PNKD: variants seen among roughly 807,000 people sequenced by gnomAD.
PNKD encodes probable thioesterase PNKD.
PNKD carries 36 observed loss-of-function variants against 45.3 expected under a neutral mutation model. That is an observed-to-expected ratio of 0.80 (90% CI 0.61 to 1.05). The LOEUF is 1.05. Among genes scored for constraint, PNKD ranks in the 50% least tolerant of loss-of-function variants. The pLI is 0.00. For missense variants in PNKD, 511 were observed against 506.6 expected, an observed-to-expected ratio of 1.01 and a Z score of -0.08; for synonymous variants, 197 against 210.1, an observed-to-expected ratio of 0.94 and a Z score of 0.54.
chr2:218,276,919 C>T lies in PNKD; in HGVS notation c.236+5370C>T, dbSNP rs1238839282. 4 of 1,150,774 alleles carry T rather than the reference C, an allele frequency of 3.5e-6. No individual in the cohort carries two copies. In the African/African-American group the frequency reaches 4.6e-5, roughly 13 times the overall value. The allele number at this position is 1,150,774 out of a possible 1,614,324, so 71.3% of individuals were successfully genotyped here. A position where few individuals can be genotyped will look rare whatever the true frequency, so the allele number is the denominator to read the frequency against. On this transcript the variant is annotated intron_variant, in intron 2 of 9. Transcript: ENST00000273077. ...TGGAGGTCAGAGCCTGCCCCGGGGA[C>T]CTTTGGGGCCTGCGAGACCATGCTA...
Position 218,279,497 on chromosome 2 carries a change from G to A in PNKD, c.236+7948G>A. 4.7e-6 allele frequency: 3 copies of A among 633,284 alleles called. No homozygotes were observed. In the East Asian group the frequency reaches 8.9e-5, roughly 19 times the overall value. 39.2% of individuals were successfully genotyped at this position (633,284 alleles called of 1,614,324 possible). ...AGAGGCGACCCCAGTGAGATGCCTG[G>A]CTCAGAGGCAATGTGCACTTCTTCC... is the stretch of plus-strand genomic sequence containing the variant. On this transcript the variant is annotated intron_variant, in intron 2 of 9. Transcript: ENST00000273077.
At chr2:218,311,302 A>C (rs551523319) in intron 2 of PNKD, among the ~76,000 whole-genome samples, 1 of 152,344 alleles carries the variant, frequency 6.6e-6, no homozygotes, top group South Asian at 2.1e-4. Context: ...AGGTGGGACG[A>C]GAGACTGAGA....
intron 2 of PNKD, among the ~76,000 whole-genome samples, chr2:218,297,997 CAAAA>C (rs60172979): frequency 7.7e-6 from 1 of 130,222 alleles, no homozygotes; most frequent in African/African-American, 2.9e-5. Flanking sequence ...GACTCCATCT[CAAAA>C]AAAAAAAAAA....
At chr2:218,328,833 C>G (rs1406419329) in intron 2 of PNKD, among the ~76,000 whole-genome samples, 1 of 152,236 alleles carries the variant, frequency 6.6e-6, no homozygotes, top group Non-Finnish European at 1.5e-5. Context: ...TGTCTTCCCT[C>G]TTCGAGCTTC....
rs78652271 is a variant in PNKD at position 218,305,353 on chromosome 2, T to A, written c.236+33804T>A. Among the ~76,000 whole-genome samples, 595 of 150,838 alleles carry A rather than the reference T, an allele frequency of 3.9e-3. 5 individuals are homozygous for A. Among genetic ancestry groups the A allele is most frequent in the African/African-American group, 0.012 (472 of 40,288 alleles). Reference sequence around the variant, plus strand: ...AGTCTTGTTTTTGCCTGTTAGTTTGTATGTTTGTTTGTTTCTGAGACAGGG... The same window carrying A: ...AGTCTTGTTTTTGCCTGTTAGTTTGAATGTTTGTTTGTTTCTGAGACAGGG... On this transcript the variant is annotated intron_variant, in intron 2 of 9. Transcript: ENST00000273077.
chr2:218,321,848 G>A (rs957869211), intron 2 of PNKD, among the ~76,000 whole-genome samples: 4 of 150,444 alleles, frequency 2.7e-5, no homozygotes, highest in African/African-American at 9.8e-5. Context: ...GGATGGTCTC[G>A]ATCTCTTGAC....
intron 2 of PNKD, among the ~76,000 whole-genome samples, chr2:218,337,305 C>T (rs748558767): frequency 6.6e-6 from 1 of 152,028 alleles, no homozygotes; most frequent in Non-Finnish European, 1.5e-5. Flanking sequence ...GAACTCCTGA[C>T]CATGTGATCC....
chr2:218,339,177 C>T (rs908233403), intron 2 of PNKD, among the ~76,000 whole-genome samples: 1 of 152,152 alleles, frequency 6.6e-6, no homozygotes, highest in Non-Finnish European at 1.5e-5. Context: ...ATTTCAGCCT[C>T]CTAATTCCTA....
chr2:218,296,135 G>T (rs913880751), intron 2 of PNKD, among the ~76,000 whole-genome samples: 5 of 152,092 alleles, frequency 3.3e-5, no homozygotes, highest in African/African-American at 1.2e-4. Flanking sequence ...GGCATGAGCC[G>T]CTGCGCCCGG....
chr2:218,298,512 G>A (rs1481505801), intron 2 of PNKD, among the ~76,000 whole-genome samples: 1 of 152,138 alleles, frequency 6.6e-6, no homozygotes, highest in Non-Finnish European at 1.5e-5. Flanking sequence ...AATAATATAG[G>A]GTAGTTGTAA....
In PNKD at chr2:218,293,810, C is replaced by T. The variant is rs114931831; in HGVS notation, c.236+22261C>T. Among the ~76,000 whole-genome samples the T allele has an allele frequency of 8.3e-3, 1,252 of 150,356 alleles. 5 individuals carry two copies. The highest frequency in any genetic ancestry group is 0.013 in the South Asian group (60 of 4,764). On this transcript the variant is annotated intron_variant, in intron 2 of 9. Coordinates refer to ENST00000273077, the MANE Select transcript of PNKD (RefSeq NM_015488.5). ...TTTGTTTTGTAGAGATGGGTTTTCA[C>T]GTTGTTGCATAGGCTGGTCTCAAAC...
At chr2:218,298,003 A>G (rs1044746124) in intron 2 of PNKD, among the ~76,000 whole-genome samples, 10 of 150,984 alleles carry the variant, frequency 6.6e-5, no homozygotes, top group Non-Finnish European at 1.2e-4. Context: ...ATCTCAAAAA[A>G]AAAAAAAAAG....
In PNKD at chr2:218,340,441, CCTTT is replaced by C. The variant is rs901663160; in HGVS notation, c.466-280_466-277del. Among the ~76,000 whole-genome samples the C allele has an allele frequency of 8.6e-5, 13 of 151,972 alleles. No individual in the cohort carries two copies. The highest frequency in any genetic ancestry group is 2.9e-4 in the African/African-American group (12 of 41,360). ...ACTCCCATTGGCCCCCTTCAGACCC[CCTTT>C]CTTTCTGTCACCTCTGTCTGTCAGT... On this transcript the variant is annotated intron_variant, in intron 4 of 9. Coordinates refer to ENST00000273077, the MANE Select transcript of PNKD (RefSeq NM_015488.5). This position sits in a 1 kb window ranked among gnomAD's most constrained non-coding sequence, Gnocchi z 4.2.
intron 2 of PNKD, among the ~76,000 whole-genome samples, chr2:218,303,714 T>C (rs1443898291): frequency 6.6e-6 from 1 of 151,804 alleles, no homozygotes; most frequent in African/African-American, 2.4e-5. Flanking sequence ...TAGCTGGGAT[T>C]ACAGGTGCCC....
In PNKD at chr2:218,340,778, C is replaced by A. The variant is rs761550458; in HGVS notation, c.516C>A (p.His172Gln). ...CCTTGGTCGCCATTCTGTGTACTCA[C>A]AAGCACTGGTAAGGGGCTCCCGTCT... is the stretch of plus-strand genomic sequence containing the variant. Reference protein sequence around the residue: ...GVTLVAILCTHKHWDHSGGNR... With the variant: ...GVTLVAILCTQKHWDHSGGNR... Residue 172 changes from histidine (H) to glutamine (Q), a missense_variant, in exon 5 of 10, where the codon CAC becomes CAA. Coordinates refer to ENST00000273077, the MANE Select transcript of PNKD (RefSeq NM_015488.5). This position sits in a 1 kb window ranked among gnomAD's most constrained non-coding sequence, Gnocchi z 4.2. 1 of 1,613,640 alleles carries A rather than the reference C, an allele frequency of 6.2e-7. No homozygotes were observed. Among genetic ancestry groups the A allele is most frequent in the East Asian group, 2.2e-5 (1 of 44,886 alleles).
At position 218,270,580 on chromosome 2, in the gene PNKD, G is replaced by T; in HGVS notation, c.45G>T (p.Ala15=). The T allele has an allele frequency of 1.7e-6, 2 of 1,145,934 alleles. No homozygotes were observed. Among genetic ancestry groups the T allele is most frequent in the Non-Finnish European group, 1.1e-6 (1 of 880,636 alleles). The allele number at this position is 1,145,934 out of a possible 1,614,324, so 71.0% of individuals were successfully genotyped here. ...CTACGGCGCTGAAGGGCCGGGGGGC[G>T]AGAAATGCCCGCGTCCTCCGGGGTA... ...VAATALKGRG[A]RNARVLRGIL... Residue 15 remains alanine, a synonymous_variant, in exon 1 of 10, where the codon GCG becomes GCT. Transcript: ENST00000273077.
rs1574691931 is a variant in PNKD, at chr2:218,315,353, G to C, written c.237-24430G>C. On this transcript the variant is annotated intron_variant, in intron 2 of 9. Coordinates refer to ENST00000273077, the MANE Select transcript of PNKD (RefSeq NM_015488.5). ...GACGGGGTTTCACCATGTTGGCCAG[G>C]ATGGTCTCAATCTCTTTGACCTCGT... Among the ~76,000 whole-genome samples the C allele has an allele frequency of 3.3e-5, 5 of 151,674 alleles. No individual in the cohort carries two copies. In the East Asian group the frequency reaches 9.8e-4, roughly 30 times the overall value.
At position 218,344,977 on chromosome 2, in the gene PNKD, A is replaced by G. The variant is rs776190115; in HGVS notation, c.1154A>G (p.Lys385Arg). 12 of 1,611,964 alleles carry G rather than the reference A, an allele frequency of 7.4e-6. No individual in the cohort carries two copies. The highest frequency in any genetic ancestry group is 1.0e-5 in the Non-Finnish European group (12 of 1,178,862). Reference protein sequence around the residue: ...LRRLKDMHKSK With the variant: ...LRRLKDMHKSR ...CGGCTGAAGGATATGCACAAGAGCAAGTGATGCCCCCAGCGCCCCCAGCCC... is the reference window on the plus strand; with the variant it reads ...CGGCTGAAGGATATGCACAAGAGCAGGTGATGCCCCCAGCGCCCCCAGCCC... The change falls in exon 10 of 10, where the codon AAG becomes AGG. Residue 385 changes from lysine to arginine, a missense_variant. Coordinates refer to ENST00000273077, the MANE Select transcript of PNKD (RefSeq NM_015488.5).
rs2106297246 is a variant in PNKD at position 218,343,534 on chromosome 2, G to A, written c.816G>A (p.Leu272=). Residue 272 remains leucine, a synonymous_variant, in exon 8 of 10, where the codon CTG becomes CTA. Transcript: ENST00000273077. ...TTGAGGGCAATGCAGAGACCATGCT[G>A]AGCTCACTGGACACTGTGCTGGGGC... ...RTFEGNAETM[L]SSLDTVLGLG... is the part of the protein sequence containing the mutation. 3 of 1,613,688 alleles carry A rather than the reference G, an allele frequency of 1.9e-6. No individual in the cohort carries two copies. Among genetic ancestry groups the A allele is most frequent in the East Asian group, 4.5e-5 (2 of 44,866 alleles).
Sources: gnomAD v4.1 joint callset for allele counts (sites outside exome capture counted in the v4.1 genomes callset) on GRCh38, gnomAD v4.1.1 for gene constraint, Gnocchi (gnomAD v3.1) non-coding constraint, MANE v1.5 for transcripts, NCBI Gene and HGNC (gene_info 2026-07-23, HGNC 2026-07-21) for gene names.